The following CTNNA3 variants were observed in gnomAD, a reference collection of about 807,000 sequenced individuals.
The protein encoded by CTNNA3 is catenin alpha-3.
CTNNA3 carries 76 observed loss-of-function variants against 95.7 expected under a neutral mutation model. That is an observed-to-expected ratio of 0.79 (90% CI 0.66 to 0.96). CTNNA3 has a LOEUF of 0.96. CTNNA3 is among the 40% of genes least tolerant of loss of function. CTNNA3 has a pLI of 0.00. For synonymous variants in CTNNA3, 431 were observed against 374.4 expected, an observed-to-expected ratio of 1.15 and a Z score of -1.74; for missense variants, 1,191 against 1,089.8, an observed-to-expected ratio of 1.09 and a Z score of -1.31.
chr10:66,563,387 C>G (rs1217113507), intron 10 of CTNNA3, among the ~76,000 whole-genome samples: 1 of 152,050 alleles, frequency 6.6e-6, no homozygotes, highest in African/African-American at 2.4e-5. Context: ...TACAGGCATA[C>G]CAAATCCTGA....
At chr10:66,539,328 A>C (rs1336400327) in intron 10 of CTNNA3, among the ~76,000 whole-genome samples, 1 of 152,122 alleles carries the variant, frequency 6.6e-6, no homozygotes, top group African/African-American at 2.4e-5. Context: ...GTGCCCAGTA[A>C]ATCTACATTT....
At chr10:66,865,998 C>G (rs1286019148) in intron 7 of CTNNA3, among the ~76,000 whole-genome samples, 1 of 151,964 alleles carries the variant, frequency 6.6e-6, no homozygotes, top group Non-Finnish European at 1.5e-5. Context: ...TCTTAATTGC[C>G]TATACCTAAA....
At chr10:66,942,771 C>G (rs1231010255) in intron 7 of CTNNA3, among the ~76,000 whole-genome samples, 3 of 152,102 alleles carry the variant, frequency 2.0e-5, no homozygotes, top group Non-Finnish European at 2.9e-5. Context: ...GGTCTGAGAA[C>G]TTAGTAACTA....
intron 1 of CTNNA3, among the ~76,000 whole-genome samples, chr10:67,673,799 A>C (rs1273626745): frequency 7.5e-6 from 1 of 133,266 alleles, no homozygotes; most frequent in South Asian, 2.8e-4. Flanking sequence ...TTAATAACGG[A>C]CGTCCGTTAT....
intron 5 of CTNNA3, among the ~76,000 whole-genome samples, chr10:67,262,555 T>C (rs886135813): frequency 1.3e-4 from 20 of 152,082 alleles, no homozygotes; most frequent in African/African-American, 3.9e-4. Flanking sequence ...ATGTGAGAGG[T>C]CTAGGATCTG....
chr10:67,029,665 C>T (rs10997486), intron 7 of CTNNA3, among the ~76,000 whole-genome samples: 7,105 of 152,146 alleles, frequency 0.047, 191 homozygotes, highest in East Asian at 0.13. Flanking sequence ...TTTTAATTTT[C>T]CCAAAAGACT....
At chr10:67,538,744 T>TG (rs1216584665) in intron 4 of CTNNA3, among the ~76,000 whole-genome samples, 1 of 152,102 alleles carries the variant, frequency 6.6e-6, no homozygotes, top group African/African-American at 2.4e-5. Flanking sequence ...TTTATGAAAA[T>TG]GCAGATTTAT....
chr10:67,277,717 C>T (rs997764579), intron 5 of CTNNA3, among the ~76,000 whole-genome samples: 6 of 152,264 alleles, frequency 3.9e-5, no homozygotes, highest in Middle Eastern at 3.4e-3. Flanking sequence ...AAAGTGACCT[C>T]TGGTTGTCCT....
chr10:67,583,932 A>G (rs1333400134), intron 3 of CTNNA3, among the ~76,000 whole-genome samples: 2 of 152,032 alleles, frequency 1.3e-5, no homozygotes, highest in Admixed American at 6.6e-5. Context: ...GGTCTTCTCT[A>G]TGCTGCTTAT....
At chr10:66,862,944 C>T (rs1844000229) in intron 7 of CTNNA3, among the ~76,000 whole-genome samples, 1 of 152,140 alleles carries the variant, frequency 6.6e-6, no homozygotes, top group African/African-American at 2.4e-5. Context: ...TGCCTCCTGA[C>T]TACCTGTGAA....
chr10:66,195,848 C>A (rs912791794), intron 13 of CTNNA3, among the ~76,000 whole-genome samples: 2 of 151,318 alleles, frequency 1.3e-5, no homozygotes, highest in Non-Finnish European at 2.9e-5. Context: ...AAAGCAACAT[C>A]CTGCTGGGTG....
chr10:66,861,060 T>C (rs533681494), intron 7 of CTNNA3, among the ~76,000 whole-genome samples: 5 of 152,188 alleles, frequency 3.3e-5, no homozygotes, highest in Admixed American at 6.5e-5. Flanking sequence ...TCTTAAACAT[T>C]CATATACAAA....
intron 13 of CTNNA3, among the ~76,000 whole-genome samples, chr10:66,136,969 G>A (rs1285503912): frequency 6.6e-6 from 1 of 151,894 alleles, no homozygotes; most frequent in Non-Finnish European, 1.5e-5. Context: ...TTACAGGTGC[G>A]TGCCACCATG....
At chr10:66,376,493 A>G (rs2092797713) in intron 12 of CTNNA3, among the ~76,000 whole-genome samples, 1 of 152,190 alleles carries the variant, frequency 6.6e-6, no homozygotes, top group Non-Finnish European at 1.5e-5. Flanking sequence ...GAAAACACTT[A>G]GAAGATCATC....
At chr10:67,378,430 A>T (rs942227962) in intron 5 of CTNNA3, among the ~76,000 whole-genome samples, 1 of 152,144 alleles carries the variant, frequency 6.6e-6, no homozygotes. Context: ...CACTATTAAC[A>T]AATGCCAGAC....
intron 9 of CTNNA3, among the ~76,000 whole-genome samples, chr10:66,732,312 G>C (rs1315969670): frequency 2.0e-5 from 3 of 152,168 alleles, no homozygotes; most frequent in Non-Finnish European, 4.4e-5. Context: ...TTGACATAAA[G>C]ATAGTTTTAG....
At chr10:67,127,138 T>A (rs1372421787) in intron 7 of CTNNA3, among the ~76,000 whole-genome samples, 2 of 152,190 alleles carry the variant, frequency 1.3e-5, no homozygotes, top group Non-Finnish European at 2.9e-5. Flanking sequence ...ATTTTGTACA[T>A]TTGTATTTAG....
chr10:67,673,848 A>G (rs1244121628), intron 1 of CTNNA3, among the ~76,000 whole-genome samples: 1 of 144,874 alleles, frequency 6.9e-6, no homozygotes, highest in Non-Finnish European at 1.5e-5. Context: ...TGTGATAAAA[A>G]TGAGTTCTTA....
intron 7 of CTNNA3, among the ~76,000 whole-genome samples, chr10:67,135,127 TA>T (rs1860228032): frequency 6.6e-6 from 1 of 151,990 alleles, no homozygotes; most frequent in Admixed American, 6.6e-5. Context: ...AGGGAGGAAA[TA>T]TCTAGAGATA....
Sources: allele counts gnomAD v4.1 joint callset (sites outside exome capture counted in the v4.1 genomes callset), GRCh38; gene constraint gnomAD v4.1.1; transcripts MANE v1.5; gene names NCBI Gene and HGNC (gene_info 2026-07-23, HGNC 2026-07-21).